Variants in BICDL1 observed in about 807,000 individuals in gnomAD.
BICDL1 encodes BICD family like cargo adaptor 1.
In BICDL1, 20 loss-of-function variants were observed where a neutral mutation model predicts 76.8. That is an observed-to-expected ratio of 0.26 (90% CI 0.18 to 0.38). The LOEUF (loss-of-function observed/expected upper bound fraction) is 0.38, where lower values mean the gene tolerates loss of function less well. Ranked by LOEUF, BICDL1 falls within the 10% of genes least tolerant of loss-of-function variation. BICDL1 has a pLI of 1.00. For synonymous variants in BICDL1, 383 were observed against 337.1 expected (o/e 1.14, Z -1.49); for missense variants, 700 against 798.6 (o/e 0.88, Z 1.49).
In BICDL1 at chr12:119,989,833, C is replaced by T. The variant is rs1388333602; in HGVS notation, c.-36C>T. On this transcript the variant is annotated 5_prime_UTR_variant, in exon 1 of 10. Coordinates refer to ENST00000548673, the MANE Select transcript of BICDL1 (RefSeq NM_001367886.1). ...CCCCTGCAGCCTGGCGCGCGCGGGC[C>T]GGGCCGCACCGCTGCGGGCTCCGCG... 2.6e-6 allele frequency: 3 copies of T among 1,176,336 alleles called. No individual in the cohort carries two copies. Among genetic ancestry groups the T allele is most frequent in the East Asian group, 3.9e-5 (1 of 25,614 alleles). 72.9% of individuals were successfully genotyped at this position (1,176,336 alleles called of 1,614,324 possible). A position where few individuals can be genotyped will look rare whatever the true frequency, so the allele number is the denominator to read the frequency against.
Position 120,061,698 on chromosome 12 carries a change from C to T in BICDL1, c.646-12C>T, listed in dbSNP as rs1953108315. ...ACCTCCGAATCAGCTCTGCAGGTCT[C>T]CTCTGTTTCAGGCATCAGAAGTTGA... On this transcript the variant is annotated splice_polypyrimidine_tract_variant and intron_variant, in intron 2 of 9. Coordinates refer to ENST00000548673, the MANE Select transcript of BICDL1 (RefSeq NM_001367886.1). 7 of 1,587,738 alleles carry T rather than the reference C, an allele frequency of 4.4e-6. No homozygotes were observed. The highest frequency in any genetic ancestry group is 1.3e-5 in the African/African-American group (1 of 74,410).
chr12:119,997,777 T>C (rs1435613552), intron 1 of BICDL1, among the ~76,000 whole-genome samples: 2 of 151,986 alleles, frequency 1.3e-5, no homozygotes, highest in African/African-American at 4.8e-5. Context: ...AATCTGGTAT[T>C]ATGCCATGGA....
At chr12:120,004,646 G>C (rs1400071574) in intron 2 of BICDL1, among the ~76,000 whole-genome samples, 1 of 152,184 alleles carries the variant, frequency 6.6e-6, no homozygotes, top group Admixed American at 6.5e-5. Context: ...CAGGAAGTTT[G>C]AAATCTATGT....
intron 1 of BICDL1, among the ~76,000 whole-genome samples, chr12:119,991,887 T>C (rs1360556417): frequency 5.3e-5 from 8 of 152,216 alleles, no homozygotes; most frequent in African/African-American, 1.9e-4. Context: ...GGTTGTATTG[T>C]AAAAGAATAA....
intron 2 of BICDL1, among the ~76,000 whole-genome samples, chr12:120,040,441 G>A (rs1952616553): frequency 6.6e-6 from 1 of 151,214 alleles, no homozygotes; most frequent in Non-Finnish European, 1.5e-5. Context: ...TTGTTTGTTT[G>A]TTTGAGACAA....
intron 4 of BICDL1, among the ~76,000 whole-genome samples, chr12:120,069,213 T>G (rs1872898906): frequency 6.6e-6 from 1 of 152,116 alleles, no homozygotes; most frequent in Non-Finnish European, 1.5e-5. Flanking sequence ...AATAGAGCAA[T>G]TTGGAAAGCT....
intron 2 of BICDL1, among the ~76,000 whole-genome samples, chr12:120,022,567 T>C (rs1262019862): frequency 6.6e-6 from 1 of 151,412 alleles, no homozygotes; most frequent in Non-Finnish European, 1.5e-5. Context: ...TTGAACAAAT[T>C]AGCTTTATAA....
intron 9 of BICDL1, chr12:120,091,081 G>C (rs973924279): frequency 3.7e-5 from 48 of 1,284,022 alleles, no homozygotes; most frequent in Non-Finnish European, 4.8e-5. Flanking sequence ...CTGCCCCGCC[G>C]CCTCCCCTCA....
At chr12:120,051,927 T>A (rs1566244660) in intron 2 of BICDL1, among the ~76,000 whole-genome samples, 1 of 151,534 alleles carries the variant, frequency 6.6e-6, no homozygotes, top group African/African-American at 2.4e-5. Flanking sequence ...TTTCTCAGTC[T>A]TTGTTGTTGT....
At chr12:120,063,231 A>G (rs913586763) in intron 3 of BICDL1, among the ~76,000 whole-genome samples, 13 of 152,372 alleles carry the variant, frequency 8.5e-5, no homozygotes, top group African/African-American at 2.9e-4. Context: ...ATGAAAATCA[A>G]CTAGAGTAAG....
chr12:119,994,892 T>C (rs1472113164), intron 1 of BICDL1, among the ~76,000 whole-genome samples: 2 of 152,184 alleles, frequency 1.3e-5, no homozygotes, highest in East Asian at 3.8e-4. Flanking sequence ...ATTAACATCT[T>C]ATAATAGTAT....
chr12:120,015,550 T>TA (rs1280935817), intron 2 of BICDL1, among the ~76,000 whole-genome samples: 1 of 152,200 alleles, frequency 6.6e-6, no homozygotes, highest in Non-Finnish European at 1.5e-5. Flanking sequence ...TGTCATCTCT[T>TA]ACGGTTAATT....
Position 120,050,029 on chromosome 12 carries a change from G to A in BICDL1, c.646-11681G>A, listed in dbSNP as rs141817562. On this transcript the variant is annotated intron_variant, in intron 2 of 9. Transcript: ENST00000548673. The stretch of plus-strand genomic sequence containing the variant: ...GAGTATGTAGTGGTATCTCATTGTG[G>A]TTTTAATTTACATTTCCCTGGTCAC... Among the ~76,000 whole-genome samples the A allele has an allele frequency of 2.8e-4, 43 of 152,258 alleles. No individual in the cohort carries two copies. The East Asian group carries it at 6.7e-3, about 24-fold the overall frequency.
At chr12:120,016,355 T>C (rs112902528) in intron 2 of BICDL1, among the ~76,000 whole-genome samples, 3 of 152,262 alleles carry the variant, frequency 2.0e-5, no homozygotes, top group African/African-American at 4.8e-5. Context: ...AACATTCATG[T>C]ACAAGTCTTT....
rs147106328 is a variant in BICDL1 at position 120,016,753 on chromosome 12, T to C, written c.645+18017T>C. The stretch of plus-strand genomic sequence containing the variant: ...ACTTTTTAAGAAACCGCCAAACTTA[T>C]TTTCAAAGAAGCTTGTACCAGTTTA... On this transcript the variant is annotated intron_variant, in intron 2 of 9. Coordinates refer to ENST00000548673, the MANE Select transcript of BICDL1 (RefSeq NM_001367886.1). Among the ~76,000 whole-genome samples, 159 of 152,178 alleles carry C rather than the reference T, an allele frequency of 1.0e-3. 1 individual carries two copies. In the East Asian group the frequency reaches 0.026, roughly 25 times the overall value.
chr12:119,990,488 C>T (rs1951496797), intron 1 of BICDL1, among the ~76,000 whole-genome samples, 191 bp downstream of exon 1: 1 of 152,228 alleles, frequency 6.6e-6, no homozygotes, highest in South Asian at 2.1e-4. Flanking sequence ...CCCCACCCCG[C>T]TCACAGCAAA....
At chr12:120,045,945 T>C (rs904639808) in intron 2 of BICDL1, among the ~76,000 whole-genome samples, 1 of 114,842 alleles carries the variant, frequency 8.7e-6, no homozygotes, top group Non-Finnish European at 1.7e-5. Context: ...AAAAAGAAAG[T>C]ATAAACATTT....
chr12:120,046,474 A>G lies in BICDL1; in HGVS notation c.646-15236A>G, dbSNP rs1272700787. 1.3e-5 allele frequency among the ~76,000 whole-genome samples: 2 copies of G among 152,240 alleles called. 1 individual carries two copies. Among genetic ancestry groups the G allele is most frequent in the Non-Finnish European group, 2.9e-5 (2 of 68,036 alleles). Reference sequence around the variant, plus strand: ...TACCAGACACTGTTCCAAACACTTTACATATATTTATTTCAGTCATACAAC... The same window carrying G: ...TACCAGACACTGTTCCAAACACTTTGCATATATTTATTTCAGTCATACAAC... On this transcript the variant is annotated intron_variant, in intron 2 of 9. Transcript: ENST00000548673.
intron 2 of BICDL1, among the ~76,000 whole-genome samples, chr12:120,052,804 G>T (rs1341270728): frequency 6.6e-6 from 1 of 152,136 alleles, no homozygotes; most frequent in Non-Finnish European, 1.5e-5. Context: ...ACAGAGTCTC[G>T]CTTTGTCACC....
Sources: gnomAD v4.1 joint callset for allele counts (sites outside exome capture counted in the v4.1 genomes callset) on GRCh38, gnomAD v4.1.1 for gene constraint, MANE v1.5 for transcripts, NCBI Gene and HGNC (gene_info 2026-07-23, HGNC 2026-07-21) for gene names.